Variants in GNA14 observed in about 807,000 individuals in gnomAD.
The protein encoded by GNA14 is G protein subunit alpha 14, also known as guanine nucleotide-binding protein subunit alpha-14.
Under a neutral mutation model 42.0 loss-of-function variants are expected in GNA14, and 50 were observed. The ratio of observed to expected loss-of-function variants is 1.19; its 90% CI spans 0.95 to 1.51. The LOEUF is 1.51. GNA14 is among the 40% of genes most tolerant of loss of function. The pLI is 0.00. For missense variants in GNA14, 473 were observed against 446.2 expected, an observed-to-expected ratio of 1.06 and a Z score of -0.54; for synonymous variants, 173 against 163.1, an observed-to-expected ratio of 1.06 and a Z score of -0.46.
Position 77,431,447 on chromosome 9 carries a change from T to C in GNA14, c.467A>G (p.Tyr156Cys). Residue 156 changes from tyrosine to cysteine, a missense_variant and splice_region_variant, in exon 4 of 7, where the codon TAC (tyrosine) becomes TGC (cysteine). Transcript: ENST00000341700. ...EYQLSDSAKY[Y>C]LTDIDRIATP... ...GGCGATGCGGTCAATGTCAGTCAGG[T>C]AACTGTATATTAGAGAACGAGGAAC... The C allele has an allele frequency of 6.2e-7, 1 of 1,612,390 alleles. No homozygotes were observed. Among genetic ancestry groups the C allele is most frequent in the Non-Finnish European group, 8.5e-7 (1 of 1,178,818 alleles).
intron 2 of GNA14, among the ~76,000 whole-genome samples, chr9:77,444,635 C>G (rs1835785557): frequency 6.6e-6 from 1 of 152,220 alleles, no homozygotes; most frequent in Non-Finnish European, 1.5e-5. Flanking sequence ...AGACATGCAG[C>G]AGCAATAGCC....
intron 2 of GNA14, among the ~76,000 whole-genome samples, chr9:77,477,139 T>C (rs1836443156): frequency 1.3e-5 from 2 of 152,114 alleles, no homozygotes; most frequent in African/African-American, 4.8e-5. Flanking sequence ...GGTGGATTGC[T>C]TGAGGCCAGG....
chr9:77,544,346 C>T (rs1363999730), intron 1 of GNA14, among the ~76,000 whole-genome samples: 2 of 152,130 alleles, frequency 1.3e-5, no homozygotes, highest in Non-Finnish European at 2.9e-5. Flanking sequence ...TTCAAATAAA[C>T]TCTGTGGCTT....
intron 1 of GNA14, among the ~76,000 whole-genome samples, chr9:77,637,861 C>T (rs896758809): frequency 6.6e-6 from 1 of 152,170 alleles, no homozygotes; most frequent in African/African-American, 2.4e-5. Flanking sequence ...AGGCATATCA[C>T]ATAGGTAATA....
intron 2 of GNA14, among the ~76,000 whole-genome samples, chr9:77,486,148 C>CA (rs1301719979): frequency 2.6e-5 from 4 of 152,320 alleles, no homozygotes; most frequent in African/African-American, 9.6e-5. Flanking sequence ...CCACTTTCAT[C>CA]AATCATCTTA....
At chr9:77,630,598 A>T (rs938963358) in intron 1 of GNA14, among the ~76,000 whole-genome samples, 1 of 152,250 alleles carries the variant, frequency 6.6e-6, no homozygotes, top group African/African-American at 2.4e-5. Flanking sequence ...TAAGTGAAGC[A>T]AACAGTAAAT....
intron 2 of GNA14, among the ~76,000 whole-genome samples, chr9:77,498,393 A>AAG (rs1836910596): frequency 1.3e-5 from 2 of 150,524 alleles, no homozygotes; most frequent in African/African-American, 2.4e-5. Context: ...AAAAAAGAAA[A>AAG]AAAAGAAAAA....
intron 1 of GNA14, chr9:77,580,678 A>G: frequency 3.5e-6 from 1 of 282,938 alleles, no homozygotes; most frequent in Admixed American, 4.3e-5. Flanking sequence ...ACCTCTTCCC[A>G]ATACTATTCG....
intron 1 of GNA14, among the ~76,000 whole-genome samples, chr9:77,594,708 G>T (rs1823437570): frequency 6.6e-6 from 1 of 152,180 alleles, no homozygotes; most frequent in South Asian, 2.1e-4. Context: ...ATAATGAGAA[G>T]CCCTCTCCTG....
rs774874925 is a variant in GNA14 at position 77,431,456 on chromosome 9, A to G, written c.465-7T>C. On this transcript the variant is annotated splice_polypyrimidine_tract_variant and splice_region_variant and intron_variant, in intron 3 of 6. Transcript: ENST00000341700. ...GTCAATGTCAGTCAGGTAACTGTATATTAGAGAACGAGGAACTGACTCTCC... is the reference window on the plus strand; with the variant it reads ...GTCAATGTCAGTCAGGTAACTGTATGTTAGAGAACGAGGAACTGACTCTCC... 7 of 1,599,206 alleles carry G rather than the reference A, an allele frequency of 4.4e-6. No individual in the cohort carries two copies. The highest frequency in any genetic ancestry group is 3.4e-5 in the South Asian group (3 of 89,430).
chr9:77,490,444 G>T (rs1011413157), intron 2 of GNA14, among the ~76,000 whole-genome samples: 1 of 152,238 alleles, frequency 6.6e-6, no homozygotes, highest in Admixed American at 6.5e-5. Flanking sequence ...GGCAGCATTC[G>T]TCGGGGAGGC....
chr9:77,427,084 G>A (rs1379489212), intron 5 of GNA14, among the ~76,000 whole-genome samples: 1 of 152,124 alleles, frequency 6.6e-6, no homozygotes, highest in African/African-American at 2.4e-5. Flanking sequence ...TATACAGAGT[G>A]GATATAATAC....
chr9:77,489,893 T>C (rs1024217304), intron 2 of GNA14, among the ~76,000 whole-genome samples: 1 of 152,154 alleles, frequency 6.6e-6, no homozygotes, highest in African/African-American at 2.4e-5. Flanking sequence ...TTCCACAATG[T>C]GGAAGGGGAC....
chr9:77,438,916 A>G (rs778958407), intron 2 of GNA14, among the ~76,000 whole-genome samples: 2 of 152,226 alleles, frequency 1.3e-5, no homozygotes, highest in East Asian at 1.9e-4. Context: ...ATAGGCGTGG[A>G]CACAACATTA....
intron 2 of GNA14, among the ~76,000 whole-genome samples, chr9:77,478,395 T>C (rs1836473540): frequency 6.6e-6 from 1 of 152,224 alleles, no homozygotes; most frequent in African/African-American, 2.4e-5. Flanking sequence ...CCATGGAGTA[T>C]ATGTGCCACA....
At chr9:77,564,140 G>A (rs1260236995) in intron 1 of GNA14, among the ~76,000 whole-genome samples, 1 of 152,064 alleles carries the variant, frequency 6.6e-6, no homozygotes, top group African/African-American at 2.4e-5. Context: ...CTCTTTGGGA[G>A]TCTACTGGTA....
chr9:77,591,918 G>GT (rs10663673), intron 1 of GNA14, among the ~76,000 whole-genome samples: 83,510 of 140,156 alleles, frequency 0.6, 24,961 homozygotes, highest in Middle Eastern at 0.69. Flanking sequence ...TTGTTTTTTG[G>GT]TTTTTTTTTT....
chr9:77,544,658 C>T (rs913029740), intron 1 of GNA14, among the ~76,000 whole-genome samples: 3 of 140,290 alleles, frequency 2.1e-5, no homozygotes, highest in Non-Finnish European at 3.0e-5. Context: ...GCCAAGATCA[C>T]GTCACTGCAT....
rs67044542 is a variant in GNA14, at chr9:77,603,956, CAAAAAAA to C, written c.124+43707_124+43713del. On this transcript the variant is annotated intron_variant, in intron 1 of 6. Transcript: ENST00000341700. ...AAGACTCCATCTCAAAAAAAAAAAA[CAAAAAAA>C]AAAAAAAAAAAAAAAAAACACCTCT... is the stretch of plus-strand genomic sequence containing the variant. Among the ~76,000 whole-genome samples the C allele has an allele frequency of 3.5e-3, 288 of 81,622 alleles. 1 individual carries two copies. The highest frequency in any genetic ancestry group is 0.033 in the Middle Eastern group (2 of 60). The allele number at this position is 81,622 out of a possible 152,430, so 53.5% of individuals were successfully genotyped here. A position where few individuals can be genotyped will look rare whatever the true frequency, so the allele number is the denominator to read the frequency against.
Sources: allele counts gnomAD v4.1 joint callset (sites outside exome capture counted in the v4.1 genomes callset), GRCh38; gene constraint gnomAD v4.1.1; transcripts MANE v1.5; gene names NCBI Gene and HGNC (gene_info 2026-07-23, HGNC 2026-07-21).